Variants in GARRE1 observed in about 807,000 individuals in gnomAD.
GARRE1 encodes the protein granule associated Rac and RHOG effector protein 1.
GARRE1 carries 49 observed loss-of-function variants against 103.2 expected under a neutral mutation model. That is an observed-to-expected ratio of 0.47 (90% CI 0.38 to 0.60). The LOEUF is 0.60. Ranked by LOEUF, GARRE1 falls within the 20% of genes least tolerant of loss-of-function variation. The pLI, the probability that GARRE1 is intolerant of heterozygous loss-of-function variation, is 0.00. For missense variants in GARRE1, 1,199 were observed against 1,370.5 expected (o/e 0.87, Z 1.98); for synonymous variants, 505 against 532.8 (o/e 0.95, Z 0.72).
chr19:34,289,665 A>C (rs932790350), intron 1 of GARRE1, among the ~76,000 whole-genome samples: 1 of 151,726 alleles, frequency 6.6e-6, no homozygotes, highest in Admixed American at 6.6e-5. Context: ...CAGAGGTTGC[A>C]GTGCGCCAAG....
intron 1 of GARRE1, among the ~76,000 whole-genome samples, chr19:34,286,631 A>G: frequency 6.7e-6 from 1 of 149,814 alleles, no homozygotes. Context: ...CCTTCCCAGT[A>G]GCTGGGACTA....
intron 3 of GARRE1, among the ~76,000 whole-genome samples, chr19:34,320,685 T>C (rs1385968715): frequency 6.6e-6 from 1 of 152,110 alleles, no homozygotes; most frequent in East Asian, 1.9e-4. Context: ...GCTTGGAATC[T>C]TTGTAACTTT....
At chr19:34,328,204 T>A (rs1217469653) in intron 6 of GARRE1, 53 bp downstream of exon 6, 2 of 1,581,132 alleles carry the variant, frequency 1.3e-6, no homozygotes, top group Non-Finnish European at 1.7e-6. Flanking sequence ...AATAGAGTTC[T>A]TAAGAGAAAT....
At chr19:34,297,035 C>T (rs760097691) in intron 1 of GARRE1, among the ~76,000 whole-genome samples, 1 of 152,128 alleles carries the variant, frequency 6.6e-6, no homozygotes, top group Non-Finnish European at 1.5e-5. Context: ...GCCTGTAATT[C>T]CAGCACTTTG....
At chr19:34,291,606 A>G (rs1427004549) in intron 1 of GARRE1, among the ~76,000 whole-genome samples, 1 of 152,126 alleles carries the variant, frequency 6.6e-6, no homozygotes, top group Non-Finnish European at 1.5e-5. Flanking sequence ...TCTGTAACAG[A>G]TTCACTCTCA....
chr19:34,350,816 C>T (rs1410461301), intron 12 of GARRE1, among the ~76,000 whole-genome samples: 8 of 152,026 alleles, frequency 5.3e-5, no homozygotes, highest in Non-Finnish European at 1.0e-4. Flanking sequence ...CTCCTGACCT[C>T]GTGATCCACC....
chr19:34,278,536 A>G (rs1349877355), intron 1 of GARRE1, among the ~76,000 whole-genome samples: 1 of 149,906 alleles, frequency 6.7e-6, no homozygotes, highest in Non-Finnish European at 1.5e-5. Context: ...CCTCTCTTCT[A>G]CTTTTTGTCC....
intron 12 of GARRE1, among the ~76,000 whole-genome samples, chr19:34,349,818 A>G (rs1359401278): frequency 1.3e-5 from 2 of 152,026 alleles, no homozygotes. Context: ...GCTCTGTCAG[A>G]TAGGCAGTGG....
chr19:34,325,613 G>T (rs768335640), intron 3 of GARRE1, among the ~76,000 whole-genome samples: 10 of 152,144 alleles, frequency 6.6e-5, no homozygotes, highest in Non-Finnish European at 1.2e-4. Flanking sequence ...CTTGTTCAGG[G>T]AATCGTTACT....
chr19:34,328,050 A>G lies in GARRE1; in HGVS notation c.1003A>G (p.Met335Val), dbSNP rs146550609. The G allele has an allele frequency of 1.2e-6, 2 of 1,614,020 alleles. No homozygotes were observed. The highest frequency in any genetic ancestry group is 1.7e-6 in the Non-Finnish European group (2 of 1,180,036). Residue 335 changes from methionine (M) to valine (V), a missense_variant, in exon 6 of 14, where the codon ATG (methionine) becomes GTG (valine). Coordinates refer to ENST00000299505, the MANE Select transcript of GARRE1 (RefSeq NM_014686.5). The stretch of plus-strand genomic sequence containing the variant: ...GCGGAGGCAGACACCCCCGCAGCCC[A>G]TGCAGTGTGAGCTCCCCACCGTCCC... ...TGRRQTPPQP[M>V]QCELPTVPVQ...
At chr19:34,299,355 C>T (rs543268870) in intron 1 of GARRE1, among the ~76,000 whole-genome samples, 140 of 152,316 alleles carry the variant, frequency 9.2e-4, no homozygotes, top group African/African-American at 3.2e-3. Context: ...TGTGATCCTC[C>T]TGAAGCTTGT....
intron 1 of GARRE1, among the ~76,000 whole-genome samples, chr19:34,277,654 TAGTG>T (rs771481901): frequency 1.3e-5 from 2 of 152,176 alleles, no homozygotes; most frequent in Non-Finnish European, 2.9e-5. Flanking sequence ...TAAAATTAAT[TAGTG>T]AGTTCAGGTG....
intron 12 of GARRE1, 71 bp downstream of exon 12, chr19:34,349,224 G>A (rs2145286759): frequency 6.7e-7 from 1 of 1,503,552 alleles, no homozygotes. Flanking sequence ...TCACTCCCTG[G>A]GAAAGCCAGG....
intron 2 of GARRE1, among the ~76,000 whole-genome samples, chr19:34,307,716 T>TATAA (rs2074015607): frequency 7.7e-6 from 1 of 129,632 alleles, no homozygotes; most frequent in Non-Finnish European, 1.7e-5. Flanking sequence ...CTTATATATA[T>TATAA]ACTATATATA....
chr19:34,255,130 C>G lies in GARRE1; in HGVS notation c.-796+516C>G, dbSNP rs560589189. ...CACCTTCCCGGCGGCGCCAGGCTGC[C>G]GAGGAACGCGCTTTTCCGGCCCTGC... is the stretch of plus-strand genomic sequence containing the variant. On this transcript the variant is annotated intron_variant, in intron 1 of 13. Coordinates refer to ENST00000299505, the MANE Select transcript of GARRE1 (RefSeq NM_014686.5). 3.9e-4 allele frequency among the ~76,000 whole-genome samples: 60 copies of G among 152,150 alleles called. No homozygotes were observed. The South Asian group carries it at 0.012, about 31-fold the overall frequency.
intron 1 of GARRE1, among the ~76,000 whole-genome samples, chr19:34,291,999 C>CAAT (rs1179962318): frequency 6.6e-6 from 1 of 152,050 alleles, no homozygotes; most frequent in East Asian, 1.9e-4. Context: ...GCTGGGATTA[C>CAAT]AGGCATGTGC....
At chr19:34,324,203 G>T (rs2074101809) in intron 3 of GARRE1, among the ~76,000 whole-genome samples, 1 of 152,102 alleles carries the variant, frequency 6.6e-6, no homozygotes, top group Admixed American at 6.5e-5. Context: ...AGTCCACTCT[G>T]CCCTGCCCTG....
chr19:34,319,267 A>G (rs2074074328), intron 2 of GARRE1, among the ~76,000 whole-genome samples: 1 of 152,184 alleles, frequency 6.6e-6, no homozygotes, highest in Non-Finnish European at 1.5e-5. Flanking sequence ...ACTATTAGCA[A>G]CCAATCACTG....
chr19:34,317,008 C>T (rs1360895081), intron 2 of GARRE1, among the ~76,000 whole-genome samples: 2 of 152,230 alleles, frequency 1.3e-5, no homozygotes, highest in Non-Finnish European at 2.9e-5. Context: ...TCATTCTCCC[C>T]AGGGGTGATG....
Sources: allele counts gnomAD v4.1 joint callset (sites outside exome capture counted in the v4.1 genomes callset), GRCh38; gene constraint gnomAD v4.1.1; transcripts MANE v1.5; gene names NCBI Gene and HGNC (gene_info 2026-07-23, HGNC 2026-07-21).